TTC7A: variants seen among roughly 807,000 people sequenced by gnomAD.
The protein encoded by TTC7A is tetratricopeptide repeat protein 7A.
TTC7A carries 110 observed loss-of-function variants against 103.7 expected under a neutral mutation model. That is an observed-to-expected ratio of 1.06 (90% CI 0.91 to 1.24). The LOEUF is 1.24. Ranked by LOEUF, TTC7A falls within the 50% of genes most tolerant of loss-of-function variation. The pLI, the probability that TTC7A is intolerant of heterozygous loss-of-function variation, is 0.00. For missense variants in TTC7A, 1,340 were observed against 1,116.3 expected (o/e 1.20, Z -2.86); for synonymous variants, 521 against 467.9 (o/e 1.11, Z -1.47).
In TTC7A at chr2:46,994,413, C is replaced by T. The variant is rs759697956; in HGVS notation, c.900C>T (p.Tyr300=). The T allele has an allele frequency of 1.6e-5, 26 of 1,613,964 alleles. No individual in the cohort carries two copies. The highest frequency in any genetic ancestry group is 1.3e-4 in the Admixed American group (8 of 59,998). ...VLLHSLSEEC[Y]WSPLSHPLPE... The stretch of plus-strand genomic sequence containing the variant: ...TGCACTCCCTGAGTGAGGAGTGCTA[C>T]TGGAGCCCCCTGTCCCACCCTCTGC... Residue 300 remains tyrosine, a synonymous_variant, in exon 7 of 20, where the codon TAC becomes TAT. Transcript: ENST00000319190.
At chr2:47,023,274 G>C in intron 12 of TTC7A, 134 bp from the exon 13 acceptor site, 1 of 859,654 alleles carries the variant, frequency 1.2e-6, no homozygotes, top group Non-Finnish European at 1.8e-6. Flanking sequence ...CAGGCTGCTG[G>C]AGTTTGAAGT....
intron 18 of TTC7A, among the ~76,000 whole-genome samples, chr2:47,058,325 CGTT>C (rs148246417): frequency 0.016 from 2,467 of 152,324 alleles, 36 homozygotes; most frequent in Middle Eastern, 0.041. Context: ...ACTCAGAAAG[CGTT>C]GTATTTTAGG....
intron 5 of TTC7A, among the ~76,000 whole-genome samples, chr2:46,991,919 A>G (rs888399567): frequency 9.2e-5 from 14 of 152,182 alleles, no homozygotes; most frequent in African/African-American, 2.7e-4. Context: ...ACAAGGGTCC[A>G]TCTTGCTTGC....
At chr2:47,039,879 A>G (rs1168047185) in intron 15 of TTC7A, among the ~76,000 whole-genome samples, 1 of 152,224 alleles carries the variant, frequency 6.6e-6, no homozygotes, top group Non-Finnish European at 1.5e-5. Context: ...GAACAGAGAC[A>G]CCAACCTCAC....
intron 11 of TTC7A, among the ~76,000 whole-genome samples, chr2:47,017,541 A>G (rs545145204): frequency 1.3e-5 from 2 of 152,320 alleles, no homozygotes; most frequent in South Asian, 4.1e-4. Flanking sequence ...CATCTCAAAA[A>G]TAAAATAATC....
intron 10 of TTC7A, among the ~76,000 whole-genome samples, chr2:47,010,210 T>C (rs965234338): frequency 1.3e-5 from 2 of 152,190 alleles, no homozygotes; most frequent in African/African-American, 4.8e-5. Flanking sequence ...GGTCAGATAG[T>C]AGACGTTGTT....
chr2:46,957,246 G>A (rs1454719954), intron 3 of TTC7A, among the ~76,000 whole-genome samples: 2 of 152,250 alleles, frequency 1.3e-5, no homozygotes, highest in Non-Finnish European at 2.9e-5. Flanking sequence ...ACCCTACTTT[G>A]TGTACCCTTG....
rs539565312 is a variant in TTC7A, at chr2:46,957,068, C to T, written c.517+61C>T. On this transcript the variant is annotated intron_variant, in intron 3 of 19. Coordinates refer to ENST00000319190, the MANE Select transcript of TTC7A (RefSeq NM_020458.4). ...GTGTGCAGCTCGTTGCACTCTGACT[C>T]CCAGGGCCCTGCTGGGCTCGTGTCC... 3.8e-6 allele frequency: 6 copies of T among 1,598,904 alleles called. No individual in the cohort carries two copies. In the African/African-American group the frequency reaches 8.0e-5, roughly 21 times the overall value.
chr2:46,942,687 C>T (rs537788092), intron 1 of TTC7A, among the ~76,000 whole-genome samples: 34 of 152,300 alleles, frequency 2.2e-4, no homozygotes, highest in Admixed American at 1.2e-3. Flanking sequence ...AACTAAATAA[C>T]TTGATCAGCT....
intron 2 of TTC7A, among the ~76,000 whole-genome samples, chr2:46,953,868 T>C (rs1337093172): frequency 6.6e-6 from 1 of 151,376 alleles, no homozygotes; most frequent in African/African-American, 2.4e-5. Context: ...TTACTGTGTT[T>C]CTCAGGCTGG....
chr2:46,988,855 C>A (rs1453300983), intron 5 of TTC7A, among the ~76,000 whole-genome samples: 1 of 152,174 alleles, frequency 6.6e-6, no homozygotes, highest in African/African-American at 2.4e-5. Context: ...TGCCGTAAGC[C>A]TGCCTCTCCC....
chr2:47,056,407 C>T (rs1272290378), intron 18 of TTC7A, among the ~76,000 whole-genome samples: 3 of 152,228 alleles, frequency 2.0e-5, no homozygotes, highest in Admixed American at 6.5e-5. Flanking sequence ...CTGTAGGAAG[C>T]ACACTCACCT....
chr2:46,949,067 C>T (rs1009465578), intron 1 of TTC7A, among the ~76,000 whole-genome samples: 38 of 152,280 alleles, frequency 2.5e-4, no homozygotes, highest in African/African-American at 8.7e-4. Flanking sequence ...GCAATGAGCA[C>T]AGCCACCCAA....
In TTC7A at chr2:46,994,203, G is replaced by A; in HGVS notation, c.844-154G>A. 6.0e-6 allele frequency: 5 copies of A among 834,948 alleles called. No homozygotes were observed. In the South Asian group the frequency reaches 8.6e-5, roughly 14 times the overall value. The allele number at this position is 834,948 out of a possible 1,614,324, so 51.7% of individuals were successfully genotyped here. On this transcript the variant is annotated intron_variant, in intron 6 of 19. Coordinates refer to ENST00000319190, the MANE Select transcript of TTC7A (RefSeq NM_020458.4). ...AGTGTTGGAGGGACTGAAGGAGCAA[G>A]GGGGCTCCTTGGGAGTGGGGTTGGG...
At chr2:47,011,305 G>T in intron 10 of TTC7A, 26 bp from the exon 11 acceptor site, 2 of 1,605,310 alleles carry the variant, frequency 1.2e-6, no homozygotes, top group Middle Eastern at 1.7e-4. Flanking sequence ...GTGAGTGACA[G>T]TGTTTCCTGC....
intron 1 of TTC7A, among the ~76,000 whole-genome samples, chr2:46,945,469 C>G (rs1670852515): frequency 6.6e-6 from 1 of 152,240 alleles, no homozygotes; most frequent in Non-Finnish European, 1.5e-5. Flanking sequence ...AGGATGGTCT[C>G]TATCTGTTGA....
At chr2:46,967,259 A>G (rs546450962) in intron 3 of TTC7A, among the ~76,000 whole-genome samples, 16 of 152,294 alleles carry the variant, frequency 1.1e-4, no homozygotes, top group African/African-American at 3.6e-4. Context: ...TGACCATCTT[A>G]ACCACTTTTA....
At chr2:47,051,927 C>T (rs1395376686) in intron 18 of TTC7A, 47 bp downstream of exon 18, 6 of 1,565,160 alleles carry the variant, frequency 3.8e-6, no homozygotes, top group Non-Finnish European at 3.5e-6. Flanking sequence ...CTGCAGGCCA[C>T]CCATGCTCTC....
chr2:47,026,245 G>C (rs571863278), intron 14 of TTC7A, among the ~76,000 whole-genome samples: 4 of 152,334 alleles, frequency 2.6e-5, no homozygotes, highest in Admixed American at 6.5e-5. Context: ...AGTGATGGCT[G>C]TGGATTTGGA....
Sources: gnomAD v4.1 joint callset for allele counts (sites outside exome capture counted in the v4.1 genomes callset) on GRCh38, gnomAD v4.1.1 for gene constraint, MANE v1.5 for transcripts, NCBI Gene and HGNC (gene_info 2026-07-23, HGNC 2026-07-21) for gene names.